Variants in PAPOLG observed in about 807,000 individuals in gnomAD.
The protein encoded by PAPOLG is poly(A) polymerase gamma, also known as PAP-gamma.
PAPOLG carries 40 observed loss-of-function variants against 99.0 expected under a neutral mutation model. The observed-to-expected ratio is 0.40, with a 90% CI of 0.31 to 0.53. The LOEUF is 0.53. Ranked by LOEUF, PAPOLG falls within the 20% of genes least tolerant of loss-of-function variation. The pLI, the probability that PAPOLG is intolerant of heterozygous loss-of-function variation, is 0.41. For synonymous variants in PAPOLG, 310 were observed against 299.3 expected (o/e 1.04, Z -0.37); for missense variants, 675 against 884.1 (o/e 0.76, Z 3.00).
At chr2:60,761,671 A>T in intron 2 of PAPOLG, 70 bp from the exon 3 acceptor site, 1 of 1,347,474 alleles carries the variant, frequency 7.4e-7, no homozygotes, top group Non-Finnish European at 1.1e-6. Flanking sequence ...GGTACTGCCT[A>T]TATGGGTTTT....
intron 3 of PAPOLG, among the ~76,000 whole-genome samples, chr2:60,764,722 G>A (rs1437046103): frequency 2.0e-5 from 3 of 151,938 alleles, no homozygotes; most frequent in South Asian, 2.1e-4. Context: ...CACCACACCC[G>A]GTCTAGAATT....
rs372258899 is a variant in PAPOLG, at chr2:60,787,507, A to G, written c.1287-4A>G. On this transcript the variant is annotated splice_polypyrimidine_tract_variant and splice_region_variant and intron_variant, in intron 14 of 21. Transcript: ENST00000238714. ...AATGGAAATTCTTAAATTTTACTTT[A>G]TAGCAACAATTACGTATCAATGTGG... 144 of 1,605,530 alleles carry G rather than the reference A, an allele frequency of 9.0e-5. No homozygotes were observed. Among genetic ancestry groups the G allele is most frequent in the Non-Finnish European group, 1.1e-4 (135 of 1,177,674 alleles).
rs550541930 is a variant in PAPOLG at position 60,759,316 on chromosome 2, T to C, written c.18-818T>C. Among the ~76,000 whole-genome samples, 37 of 151,296 alleles carry C rather than the reference T, an allele frequency of 2.4e-4. 1 individual carries two copies. In the South Asian group the frequency reaches 3.7e-3, roughly 15 times the overall value. On this transcript the variant is annotated intron_variant, in intron 1 of 21. Transcript: ENST00000238714. ...CCAGGAGGCAGAGGTTGCAGTGAGC[T>C]GAGATCTCCCCAATGCACTCCAGCC...
At chr2:60,780,390 C>T (rs1275070035) in intron 9 of PAPOLG, among the ~76,000 whole-genome samples, 1 of 151,882 alleles carries the variant, frequency 6.6e-6, no homozygotes, top group Non-Finnish European at 1.5e-5. Context: ...ATCCTCTCAC[C>T]TCAGCCTCCT....
intron 6 of PAPOLG, among the ~76,000 whole-genome samples, chr2:60,771,278 T>G (rs1373193633): frequency 2.0e-5 from 3 of 152,208 alleles, no homozygotes; most frequent in Non-Finnish European, 4.4e-5. Flanking sequence ...GGCTTTGATT[T>G]TTTTTTCTGC....
intron 3 of PAPOLG, among the ~76,000 whole-genome samples, chr2:60,767,969 C>A (rs1670732259): frequency 6.6e-6 from 1 of 152,186 alleles, no homozygotes; most frequent in African/African-American, 2.4e-5. Flanking sequence ...TGTCTTTCCT[C>A]TGGGAATACC....
chr2:60,764,080 G>A (rs1670600351), intron 3 of PAPOLG, among the ~76,000 whole-genome samples: 1 of 152,172 alleles, frequency 6.6e-6, no homozygotes, highest in Admixed American at 6.5e-5. Context: ...TGGGATTACA[G>A]GCATGAGCCA....
chr2:60,798,521 A>G lies in PAPOLG; in HGVS notation c.*1361A>G, dbSNP rs1045912608. 2.6e-5 allele frequency: 4 copies of G among 152,726 alleles called. No individual in the cohort carries two copies. The highest frequency in any genetic ancestry group is 2.1e-4 in the South Asian group (1 of 4,834). The allele number at this position is 152,726 out of a possible 1,614,324, so 9.5% of individuals were successfully genotyped here. ...AAATATGGATTATGCTTGAATTACT[A>G]TATTTAAAATGAAAATGTATAGATT... is the stretch of plus-strand genomic sequence containing the variant. On this transcript the variant is annotated 3_prime_UTR_variant, in exon 22 of 22. Coordinates refer to ENST00000238714, the MANE Select transcript of PAPOLG (RefSeq NM_022894.4).
intron 1 of PAPOLG, among the ~76,000 whole-genome samples, chr2:60,758,110 A>G (rs968407633): frequency 1.3e-5 from 2 of 152,214 alleles, no homozygotes; most frequent in Admixed American, 6.5e-5. Flanking sequence ...GAGTGATACT[A>G]TATAGATATG....
In PAPOLG at chr2:60,783,322, CTCTTTTTT is replaced by C; in HGVS notation, c.1166+115_1166+122del. On this transcript the variant is annotated intron_variant, in intron 13 of 21. Transcript: ENST00000238714. ...TGCTTGATTTTCAAAATTATTATAT[CTCTTTTTT>C]TTTTTTTTTTTTTTGAGACAAAGTC... 3 of 265,036 alleles carry C rather than the reference CTCTTTTTT, an allele frequency of 1.1e-5. 1 individual carries two copies. In the South Asian group the frequency reaches 4.3e-4, roughly 38 times the overall value. The allele number at this position is 265,036 out of a possible 1,614,324, so 16.4% of individuals were successfully genotyped here.
rs2103803153 is a variant in PAPOLG at position 60,782,693 on chromosome 2, A to G, written c.1035A>G (p.Ala345=). The G allele has an allele frequency of 7.3e-7, 1 of 1,376,646 alleles. No homozygotes were observed. 85.3% of individuals were successfully genotyped at this position (1,376,646 alleles called of 1,614,324 possible). A position where few individuals can be genotyped will look rare whatever the true frequency, so the allele number is the denominator to read the frequency against. Reference sequence around the variant, plus strand: ...TTTTTTTTTTTAATTTAGGTCTTGCAGTCACAGATGAAATTCTTCAAGGAA... The same window carrying G: ...TTTTTTTTTTTAATTTAGGTCTTGCGGTCACAGATGAAATTCTTCAAGGAA... ...VMVEEFKQGL[A]VTDEILQGKS... The change falls in exon 12 of 22, where the codon GCA becomes GCG. Residue 345 remains alanine, a synonymous_variant. Transcript: ENST00000238714.
Position 60,756,368 on chromosome 2 carries a change from G to A in PAPOLG, c.-111G>A, listed in dbSNP as rs1267776380. 5.0e-6 allele frequency: 7 copies of A among 1,397,238 alleles called. No individual in the cohort carries two copies. The highest frequency in any genetic ancestry group is 1.2e-5 in the South Asian group (1 of 85,846). 86.6% of individuals were successfully genotyped at this position (1,397,238 alleles called of 1,614,324 possible). A position where few individuals can be genotyped will look rare whatever the true frequency, so the allele number is the denominator to read the frequency against. ...AGCCATAGTAAGTGGGAAAGTGAGCGAGCAAGCGAGCTACTAGCGACCGGA... is the reference window on the plus strand; with the variant it reads ...AGCCATAGTAAGTGGGAAAGTGAGCAAGCAAGCGAGCTACTAGCGACCGGA... On this transcript the variant is annotated 5_prime_UTR_variant, in exon 1 of 22. Coordinates refer to ENST00000238714, the MANE Select transcript of PAPOLG (RefSeq NM_022894.4).
At chr2:60,795,826 C>T (rs949521504) in intron 21 of PAPOLG, among the ~76,000 whole-genome samples, 6 of 151,926 alleles carry the variant, frequency 3.9e-5, no homozygotes, top group African/African-American at 1.4e-4. Context: ...AGATTTTGAG[C>T]CTTTAACATA....
At chr2:60,782,800 G>A in intron 12 of PAPOLG, 30 bp downstream of exon 12, 1 of 1,528,854 alleles carries the variant, frequency 6.5e-7, no homozygotes, top group South Asian at 1.3e-5. Context: ...TTGTATGTAT[G>A]TGATTTTTTT....
intron 3 of PAPOLG, among the ~76,000 whole-genome samples, chr2:60,767,126 A>G (rs569409605): frequency 3.3e-5 from 5 of 152,278 alleles, no homozygotes; most frequent in African/African-American, 1.2e-4. Flanking sequence ...TAAGCTAAGA[A>G]TTGGTAAGCC....
intron 3 of PAPOLG, among the ~76,000 whole-genome samples, chr2:60,766,372 G>A (rs546611355): frequency 1.3e-5 from 2 of 152,216 alleles, no homozygotes; most frequent in East Asian, 1.9e-4. Flanking sequence ...GGATGATACC[G>A]ATAGCCAGAA....
chr2:60,772,558 G>C (rs1208353048), intron 7 of PAPOLG, among the ~76,000 whole-genome samples: 2 of 151,922 alleles, frequency 1.3e-5, no homozygotes, highest in Non-Finnish European at 2.9e-5. Context: ...AGACCAGCCT[G>C]GACAACATGG....
In PAPOLG at chr2:60,797,233, A is replaced by G. The variant is rs1238523090; in HGVS notation, c.*73A>G. The G allele has an allele frequency of 3.2e-6, 5 of 1,552,134 alleles. No individual in the cohort carries two copies. In the South Asian group the frequency reaches 4.5e-5, roughly 14 times the overall value. On this transcript the variant is annotated 3_prime_UTR_variant, in exon 22 of 22. Coordinates refer to ENST00000238714, the MANE Select transcript of PAPOLG (RefSeq NM_022894.4). ...AGATGCAGCCACTTGTTTTTTAAATAGAAGTGGCTGTCATACGTGAAATAA... is the reference window on the plus strand; with the variant it reads ...AGATGCAGCCACTTGTTTTTTAAATGGAAGTGGCTGTCATACGTGAAATAA...
At chr2:60,768,179 G>C (rs1489850977) in intron 3 of PAPOLG, among the ~76,000 whole-genome samples, 1 of 152,094 alleles carries the variant, frequency 6.6e-6, no homozygotes, top group Non-Finnish European at 1.5e-5. Context: ...CTCGGCCGCT[G>C]CAACCTCCAC....
Sources: allele counts gnomAD v4.1 joint callset (sites outside exome capture counted in the v4.1 genomes callset), GRCh38; gene constraint gnomAD v4.1.1; transcripts MANE v1.5; gene names NCBI Gene and HGNC (gene_info 2026-07-23, HGNC 2026-07-21).